THBS4: variants seen among roughly 807,000 people sequenced by gnomAD.
The protein encoded by THBS4 is thrombospondin-4.
Under a neutral mutation model 115.7 loss-of-function variants are expected in THBS4, and 90 were observed. That is an observed-to-expected ratio of 0.78 (90% CI 0.66 to 0.93). The LOEUF (loss-of-function observed/expected upper bound fraction) is 0.93, where lower values mean the gene tolerates loss of function less well. Among genes scored for constraint, THBS4 ranks in the 40% least tolerant of loss-of-function variants. The pLI is 0.00. For synonymous variants in THBS4, 460 were observed against 479.3 expected (o/e 0.96, Z 0.53); for missense variants, 1,087 against 1,232.7 (o/e 0.88, Z 1.77).
At position 80,073,300 on chromosome 5, in the gene THBS4, G is replaced by T. The variant is rs1742997232; in HGVS notation, c.1865G>T (p.Gly622Val). ...NQSDVDNDLV[G>V]DSCDTNQDSD... ...TCTGATGTGGATAATGATCTGGTTGGGGACTCCTGTGACACCAATCAGGAC... is the reference window on the plus strand; with the variant it reads ...TCTGATGTGGATAATGATCTGGTTGTGGACTCCTGTGACACCAATCAGGAC... Residue 622 changes from glycine to valine, a missense_variant, in exon 15 of 22, where the codon GGG becomes GTG. Physicochemically the swap from Gly to Val is moderately radical, Grantham distance 109. Around this residue, in one of 3 missense-constraint regions of THBS4, gnomAD observed 979 missense variants for 1,103.7 expected, o/e 0.89. Coordinates refer to ENST00000350881, the MANE Select transcript of THBS4 (RefSeq NM_003248.6). 2.5e-6 allele frequency: 4 copies of T among 1,613,970 alleles called. No homozygotes were observed. The highest frequency in any genetic ancestry group is 3.4e-6 in the Non-Finnish European group (4 of 1,179,990).
intron 17 of THBS4, 133 bp downstream of exon 17, chr5:80,078,360 C>A: frequency 1.5e-6 from 1 of 679,982 alleles, no homozygotes; most frequent in Non-Finnish European, 2.2e-6. Context: ...TCCTCAACAG[C>A]CCTATGACAG....
chr5:80,041,154 G>A (rs1372074023), intron 2 of THBS4, among the ~76,000 whole-genome samples: 4 of 152,086 alleles, frequency 2.6e-5, no homozygotes, highest in East Asian at 3.9e-4. Context: ...CATACCACCC[G>A]CAGATTTGGC....
chr5:80,076,515 C>T (rs1013892803), intron 15 of THBS4, among the ~76,000 whole-genome samples: 1 of 152,198 alleles, frequency 6.6e-6, no homozygotes, highest in African/African-American at 2.4e-5. Flanking sequence ...TGTCTGGTTC[C>T]ACTGCCTGTC....
upstream of THBS4, among the ~76,000 whole-genome samples, chr5:80,033,556 A>G (rs1164800775): frequency 1.3e-5 from 2 of 152,202 alleles, no homozygotes; most frequent in East Asian, 1.9e-4. Flanking sequence ...GTCACAGAGA[A>G]GTAAATACTC....
intron 2 of THBS4, among the ~76,000 whole-genome samples, chr5:80,012,167 TAAAG>T (rs1014454725): frequency 1.3e-5 from 2 of 151,686 alleles, no homozygotes; most frequent in Non-Finnish European, 2.9e-5. Context: ...AAAATAAAAA[TAAAG>T]GAAGGAGACC....
Position 80,082,417 on chromosome 5 carries a change from A to G in THBS4, c.2696A>G (p.Tyr899Cys). 6.2e-7 allele frequency: 1 copy of G among 1,614,158 alleles called. No homozygotes were observed. Among genetic ancestry groups the G allele is most frequent in the Non-Finnish European group, 8.5e-7 (1 of 1,180,018 alleles). ...PQVGYIRVRF[Y>C]EGSELVADSG... ...CGTGTTGTCCGCAGGGTACGATTTTATGAAGGCTCTGAGTTGGTGGCTGAC... is the reference window on the plus strand; with the variant it reads ...CGTGTTGTCCGCAGGGTACGATTTTGTGAAGGCTCTGAGTTGGTGGCTGAC... The change falls in exon 21 of 22, where the codon TAT (tyrosine) becomes TGT (cysteine). Residue 899 changes from tyrosine (Y) to cysteine (C), a missense_variant. Physicochemically the swap from Tyr to Cys is radical, Grantham distance 194. Coordinates refer to ENST00000350881, the MANE Select transcript of THBS4 (RefSeq NM_003248.6).
chr5:80,070,526 A>G, intron 11 of THBS4, 116 bp downstream of exon 11: 1 of 1,368,858 alleles, frequency 7.3e-7, no homozygotes, highest in African/African-American at 1.4e-5. Flanking sequence ...AAGTAGCTGC[A>G]TCTCAGAGGA....
At chr5:80,020,149 C>T (rs1239392752) in intron 2 of THBS4, among the ~76,000 whole-genome samples, 1 of 152,136 alleles carries the variant, frequency 6.6e-6, no homozygotes, top group Non-Finnish European at 1.5e-5. Context: ...AATGAAGGGT[C>T]CCCTCTTCCA....
chr5:80,013,837 A>G (rs1454361764), intron 2 of THBS4, among the ~76,000 whole-genome samples: 1 of 152,240 alleles, frequency 6.6e-6, no homozygotes, highest in Non-Finnish European at 1.5e-5. Flanking sequence ...CGTTCTTGGC[A>G]TAGGGCCTAA....
intron 2 of THBS4, among the ~76,000 whole-genome samples, chr5:80,042,831 C>A (rs1018553093): frequency 6.6e-6 from 1 of 151,998 alleles, no homozygotes; most frequent in African/African-American, 2.4e-5. Context: ...CCAGGCATGG[C>A]AGTATGTGCC....
intron 14 of THBS4, 85 bp from the exon 15 acceptor site, chr5:80,073,190 A>G (rs746883729): frequency 6.3e-5 from 88 of 1,387,720 alleles, no homozygotes; most frequent in Middle Eastern, 5.3e-4. Context: ...CCCAAATCCA[A>G]TGATGATGGG....
intron 7 of THBS4, 139 bp from the exon 8 acceptor site, chr5:80,061,556 T>C (rs1669866391): frequency 2.5e-5 from 29 of 1,165,994 alleles, no homozygotes; most frequent in Non-Finnish European, 3.4e-5. Flanking sequence ...TAACTGGAGT[T>C]GGAAGCCTTT....
upstream of THBS4, among the ~76,000 whole-genome samples, chr5:80,034,326 G>A (rs963646634): frequency 2.6e-5 from 4 of 152,124 alleles, no homozygotes. Context: ...GCACAGTTTG[G>A]GGATAAAATG....
chr5:80,075,485 A>C (rs904048957), intron 15 of THBS4: 7 of 152,218 alleles, frequency 4.6e-5, no homozygotes, highest in African/African-American at 1.4e-4. Flanking sequence ...CTGACATCAG[A>C]TGTCCCTCTC....
At chr5:80,070,463 C>T in intron 11 of THBS4, 53 bp downstream of exon 11, 2 of 1,539,930 alleles carry the variant, frequency 1.3e-6, no homozygotes, top group Non-Finnish European at 9.0e-7. Flanking sequence ...TTTCCAAAGT[C>T]ACATCTTCTA....
intron 8 of THBS4, 41 bp downstream of exon 8, chr5:80,061,873 C>T: frequency 6.4e-7 from 1 of 1,561,096 alleles, no homozygotes; most frequent in Non-Finnish European, 8.7e-7. Flanking sequence ...CTCATCTTAA[C>T]AAAACAACTG....
At chr5:80,057,707 C>T (rs946996738) in intron 3 of THBS4, among the ~76,000 whole-genome samples, 1 of 152,130 alleles carries the variant, frequency 6.6e-6, no homozygotes, top group African/African-American at 2.4e-5. Context: ...TGAATAATAT[C>T]AACCCGTAAT....
intron 8 of THBS4, among the ~76,000 whole-genome samples, chr5:80,065,194 T>C (rs1025508327): frequency 1.3e-5 from 2 of 152,172 alleles, no homozygotes; most frequent in South Asian, 2.1e-4. Context: ...TCTGAATAAC[T>C]TTCAATACCA....
intron 2 of THBS4, among the ~76,000 whole-genome samples, chr5:80,045,171 T>G (rs989995710): frequency 6.6e-6 from 1 of 152,236 alleles, no homozygotes; most frequent in African/African-American, 2.4e-5. Flanking sequence ...TTTAGGCAAC[T>G]GTTTTCTAAT....
Sources: allele counts gnomAD v4.1 joint callset (sites outside exome capture counted in the v4.1 genomes callset), GRCh38; gene constraint gnomAD v4.1.1; regional missense constraint gnomAD v4.1.1; transcripts MANE v1.5; gene names NCBI Gene and HGNC (gene_info 2026-07-23, HGNC 2026-07-21).